Variants in CDC42BPB observed in about 807,000 individuals in gnomAD.
CDC42BPB encodes CDC42 binding protein kinase beta.
CDC42BPB carries 37 observed loss-of-function variants against 214.9 expected under a neutral mutation model. That is an observed-to-expected ratio of 0.17 (90% CI 0.13 to 0.23). The LOEUF (loss-of-function observed/expected upper bound fraction) is 0.23, where lower values mean the gene tolerates loss of function less well. Ranked by LOEUF, CDC42BPB falls within the 10% of genes least tolerant of loss-of-function variation. The pLI is 1.00. For missense variants in CDC42BPB, 1,694 were observed against 2,227.0 expected (o/e 0.76, Z 4.82); for synonymous variants, 931 against 884.0 (o/e 1.05, Z -0.94).
At position 102,944,329 on chromosome 14, in the gene CDC42BPB, C is replaced by G; in HGVS notation, c.3970G>C (p.Glu1324Gln). Residue 1324 changes from glutamate to glutamine, a missense_variant, in exon 30 of 37, where the codon GAA (glutamate) becomes CAA (glutamine). Glu to Gln is a conservative substitution (Grantham distance 29, BLOSUM62 2). This residue lies in a region of CDC42BPB where 567 missense variants were observed against 790.3 expected (regional missense o/e 0.72). Coordinates refer to ENST00000361246, the MANE Select transcript of CDC42BPB (RefSeq NM_006035.4). The surrounding 1 kb of genome is among the most constrained non-coding windows in gnomAD (Gnocchi z 6.6). ...GCCATGAGCTGGCAGCCTTTGGTTT[C>G]CGGAAGCTTGATGTCAAAGCTGCCT... Reference protein sequence around the residue: ...AEGSFDIKLPETKGCQLMATA... With the variant: ...AEGSFDIKLPQTKGCQLMATA... The G allele has an allele frequency of 6.2e-7, 1 of 1,613,122 alleles. No individual in the cohort carries two copies.
In CDC42BPB at chr14:102,954,229, G is replaced by A; in HGVS notation, c.3035C>T (p.Thr1012Ile). The change falls in exon 23 of 37, where the codon ACC becomes ATC. Residue 1012 changes from threonine (T) to isoleucine (I), a missense_variant. Thr to Ile is a moderately conservative substitution (Grantham distance 89, BLOSUM62 -1). This residue lies in a region of CDC42BPB where 156 missense variants were observed against 154.5 expected (regional missense o/e 1.01). Coordinates refer to ENST00000361246, the MANE Select transcript of CDC42BPB (RefSeq NM_006035.4). ...PQRPSAVPLP[T>I]TQALALAGPK... ...TCCAGCCAGAGCCAGGGCCTGCGTG[G>A]TGGGCAACGGCACAGCGGATGGCCT... 1 of 1,547,568 alleles carries A rather than the reference G, an allele frequency of 6.5e-7. No homozygotes were observed. The highest frequency in any genetic ancestry group is 8.7e-7 in the Non-Finnish European group (1 of 1,146,314).
chr14:103,011,527 T>C (rs983930378), intron 2 of CDC42BPB, among the ~76,000 whole-genome samples: 1 of 152,156 alleles, frequency 6.6e-6, no homozygotes, highest in Non-Finnish European at 1.5e-5. Context: ...GGTGGATCAC[T>C]TGAGGCCAGG....
At chr14:102,934,965 G>A (rs111248940) in intron 36 of CDC42BPB, among the ~76,000 whole-genome samples, 7 of 149,268 alleles carry the variant, frequency 4.7e-5, no homozygotes, top group East Asian at 2.0e-4. Flanking sequence ...AGCCGAGATC[G>A]CATCACTGCA....
intron 26 of CDC42BPB, among the ~76,000 whole-genome samples, chr14:102,948,987 C>T (rs1180780562): frequency 6.6e-6 from 1 of 152,102 alleles, no homozygotes; most frequent in African/African-American, 2.4e-5. Flanking sequence ...CACCCAGCAG[C>T]CCTGCCCCCA....
intron 1 of CDC42BPB, among the ~76,000 whole-genome samples, chr14:103,053,324 G>A (rs963630950): frequency 1.3e-5 from 2 of 151,778 alleles, no homozygotes; most frequent in Admixed American, 6.6e-5. Context: ...TTCAGCCTGG[G>A]CAACAGAGTG....
At chr14:102,946,424 G>A in intron 28 of CDC42BPB, 44 bp downstream of exon 28, 1 of 1,605,790 alleles carries the variant, frequency 6.2e-7, no homozygotes. Context: ...CGCCGGAAGT[G>A]CTGTTGCTTC....
At position 102,943,833 on chromosome 14, in the gene CDC42BPB, G is replaced by A; in HGVS notation, c.4408+58C>T. On this transcript the variant is annotated intron_variant, in intron 30 of 36. Coordinates refer to ENST00000361246, the MANE Select transcript of CDC42BPB (RefSeq NM_006035.4). The surrounding 1 kb of genome is among the most constrained non-coding windows in gnomAD (Gnocchi z 4.6). ...CAAACCAAAGCAAAATCGAACACAT[G>A]CTGACTGTCGGTGGGAAAAGCAGCA... 1 of 1,485,568 alleles carries A rather than the reference G, an allele frequency of 6.7e-7. No individual in the cohort carries two copies. Among genetic ancestry groups the A allele is most frequent in the Non-Finnish European group, 9.1e-7 (1 of 1,098,472 alleles). The allele number at this position is 1,485,568 out of a possible 1,614,324, so 92.0% of individuals were successfully genotyped here. A position where few individuals can be genotyped will look rare whatever the true frequency, so the allele number is the denominator to read the frequency against.
intron 3 of CDC42BPB, among the ~76,000 whole-genome samples, chr14:103,007,142 G>C (rs1235477468): frequency 1.3e-5 from 2 of 152,204 alleles, no homozygotes; most frequent in African/African-American, 4.8e-5. Context: ...GGGAGACCCA[G>C]GGGGCCGAAG....
At chr14:103,006,802 T>C (rs1398519339) in intron 3 of CDC42BPB, among the ~76,000 whole-genome samples, 1 of 152,266 alleles carries the variant, frequency 6.6e-6, no homozygotes, top group Non-Finnish European at 1.5e-5. Context: ...TTTCTGAGCA[T>C]GCCAATTAAA....
intron 1 of CDC42BPB, among the ~76,000 whole-genome samples, chr14:103,039,037 C>T (rs574173857): frequency 5.3e-5 from 8 of 151,638 alleles, no homozygotes; most frequent in Admixed American, 2.6e-4. Context: ...GTGAAATGGA[C>T]GAATTTATAA....
At position 102,946,487 on chromosome 14, in the gene CDC42BPB, G is replaced by A; in HGVS notation, c.3729C>T (p.Ile1243=). The part of the protein sequence containing the change: ...YDSSLPLIKA[I]LTAAIVDADR... ...ACGTACCCACGATGGCAGCTGTCAG[G>A]ATGGCCTTGATGAGAGGCAGCGAGC... Residue 1243 remains isoleucine (I), a synonymous_variant, in exon 28 of 37, where the codon ATC becomes ATT. Coordinates refer to ENST00000361246, the MANE Select transcript of CDC42BPB (RefSeq NM_006035.4). The A allele has an allele frequency of 1.2e-6, 2 of 1,612,774 alleles. No individual in the cohort carries two copies. Among genetic ancestry groups the A allele is most frequent in the Non-Finnish European group, 1.7e-6 (2 of 1,179,958 alleles).
intron 1 of CDC42BPB, among the ~76,000 whole-genome samples, chr14:103,032,204 C>T (rs1390381447): frequency 1.3e-5 from 2 of 151,990 alleles, no homozygotes; most frequent in Non-Finnish European, 2.9e-5. Flanking sequence ...ACCTCTCATG[C>T]CCACCCACGA....
chr14:102,964,307 G>A (rs34360601), intron 19 of CDC42BPB, among the ~76,000 whole-genome samples, 195 bp downstream of exon 19: 3,023 of 152,268 alleles, frequency 0.02, 35 homozygotes, highest in Middle Eastern at 0.037. Context: ...GCACCCTCGC[G>A]GCCACCTCAG....
intron 11 of CDC42BPB, among the ~76,000 whole-genome samples, chr14:102,974,606 T>G (rs1356398206): frequency 6.6e-6 from 1 of 152,182 alleles, no homozygotes; most frequent in Admixed American, 6.5e-5. Flanking sequence ...ATTCAAAGTG[T>G]GCTTTGGAGG....
At chr14:102,997,145 G>A (rs1463742550) in intron 5 of CDC42BPB, among the ~76,000 whole-genome samples, 4 of 152,150 alleles carry the variant, frequency 2.6e-5, no homozygotes, top group East Asian at 1.9e-4. Context: ...TGATCACCAC[G>A]GAGGGGGCCC....
chr14:103,033,752 G>A (rs1423290579), intron 1 of CDC42BPB, among the ~76,000 whole-genome samples: 1 of 152,188 alleles, frequency 6.6e-6, no homozygotes, highest in East Asian at 1.9e-4. Context: ...TGGGATACCA[G>A]CTAGAAGTTT....
rs574783792 is a variant in CDC42BPB at position 103,053,545 on chromosome 14, A to C, written c.175+3454T>G. Among the ~76,000 whole-genome samples, 24 of 151,992 alleles carry C rather than the reference A, an allele frequency of 1.6e-4. No homozygotes were observed. In the South Asian group the frequency reaches 4.4e-3, roughly 28 times the overall value. On this transcript the variant is annotated intron_variant, in intron 1 of 36. Transcript: ENST00000361246. ...GGGAGGCCAAGGGGGGCAGATCACG[A>C]GGTCTGGAGATCGAGACCATCCTGG...
intron 36 of CDC42BPB, among the ~76,000 whole-genome samples, chr14:102,934,874 G>A (rs1891574376): frequency 6.6e-6 from 1 of 151,810 alleles, no homozygotes; most frequent in African/African-American, 2.4e-5. Flanking sequence ...GCCTGGCATG[G>A]TGGTGGGCAC....
intron 1 of CDC42BPB, among the ~76,000 whole-genome samples, chr14:103,038,026 CT>C (rs1887766045): frequency 7.5e-6 from 1 of 133,952 alleles, no homozygotes; most frequent in African/African-American, 3.0e-5. Flanking sequence ...AAGACTCCGT[CT>C]CAAAAAAAAA....
Sources: gnomAD v4.1 joint callset for allele counts (sites outside exome capture counted in the v4.1 genomes callset) on GRCh38, gnomAD v4.1.1 for gene constraint, gnomAD v4.1.1 regional missense constraint, Gnocchi (gnomAD v3.1) non-coding constraint, MANE v1.5 for transcripts, NCBI Gene and HGNC (gene_info 2026-07-23, HGNC 2026-07-21) for gene names.